NIPAL2: variants seen among roughly 807,000 people sequenced by gnomAD.
The protein encoded by NIPAL2 is NIPA like domain containing 2.
NIPAL2 carries 43 observed loss-of-function variants against 48.9 expected under a neutral mutation model. That is an observed-to-expected ratio of 0.88 (90% CI 0.69 to 1.13). NIPAL2 has a LOEUF of 1.13. Ranked by LOEUF, NIPAL2 falls within the 50% of genes most tolerant of loss-of-function variation. The pLI is 0.00. For missense variants in NIPAL2, 446 were observed against 461.4 expected (o/e 0.97, Z 0.31); for synonymous variants, 167 against 174.6 (o/e 0.96, Z 0.34).
At position 98,238,804 on chromosome 8, in the gene NIPAL2, T is replaced by A. The variant is rs532717627; in HGVS notation, c.377-2590A>T. The stretch of plus-strand genomic sequence containing the variant: ...GCAAGGTTTTCTGTAGATAAACTAA[T>A]GCATGACTACATGGCTCATTAAAGT... On this transcript the variant is annotated intron_variant, in intron 3 of 10. Coordinates refer to ENST00000430223, the MANE Select transcript of NIPAL2 (RefSeq NM_001321635.2). 2.6e-5 allele frequency among the ~76,000 whole-genome samples: 4 copies of A among 152,294 alleles called. No individual in the cohort carries two copies. The East Asian group carries it at 5.8e-4, about 22-fold the overall frequency.
At chr8:98,250,887 G>C (rs1415455917) in intron 3 of NIPAL2, among the ~76,000 whole-genome samples, 1 of 152,122 alleles carries the variant, frequency 6.6e-6, no homozygotes, top group Non-Finnish European at 1.5e-5. Context: ...TGAAGGTCTA[G>C]GAAGGGTGCC....
chr8:98,268,966 A>C (rs766174880), intron 1 of NIPAL2, among the ~76,000 whole-genome samples: 12 of 152,212 alleles, frequency 7.9e-5, no homozygotes, highest in Non-Finnish European at 1.8e-4. Flanking sequence ...CAGCATCTTC[A>C]CAAGAAGAAG....
chr8:98,228,197 T>C (rs569309200), intron 4 of NIPAL2, among the ~76,000 whole-genome samples: 2 of 152,244 alleles, frequency 1.3e-5, no homozygotes, highest in Non-Finnish European at 2.9e-5. Context: ...GGTACTGTGA[T>C]TGCTCACCTG....
At chr8:98,285,533 G>A (rs1436047842) in intron 1 of NIPAL2, among the ~76,000 whole-genome samples, 1 of 152,128 alleles carries the variant, frequency 6.6e-6, no homozygotes, top group Non-Finnish European at 1.5e-5. Flanking sequence ...CCCTAGAGGG[G>A]CGAGCCTGCT....
chr8:98,255,410 G>T (rs1018088355), intron 1 of NIPAL2, among the ~76,000 whole-genome samples: 2 of 152,160 alleles, frequency 1.3e-5, no homozygotes, highest in African/African-American at 4.8e-5. Context: ...AATGAGCATT[G>T]CAACCACAAA....
At chr8:98,280,320 C>A (rs1447257262) in intron 1 of NIPAL2, among the ~76,000 whole-genome samples, 1 of 152,192 alleles carries the variant, frequency 6.6e-6, no homozygotes, top group African/African-American at 2.4e-5. Flanking sequence ...TGGTTGTATG[C>A]AACCCACAAC....
chr8:98,272,132 A>G (rs981422074), intron 1 of NIPAL2, among the ~76,000 whole-genome samples: 1 of 152,122 alleles, frequency 6.6e-6, no homozygotes, highest in African/African-American at 2.4e-5. Flanking sequence ...CTTCCTATAG[A>G]TGAGGAAACT....
intron 1 of NIPAL2, among the ~76,000 whole-genome samples, chr8:98,269,901 AT>A (rs112685135): frequency 6.6e-6 from 1 of 152,164 alleles, no homozygotes; most frequent in African/African-American, 2.4e-5. Context: ...TATACACAAG[AT>A]TTTAGCTTCC....
At chr8:98,285,037 G>A (rs561840749) in intron 1 of NIPAL2, among the ~76,000 whole-genome samples, 2 of 152,304 alleles carry the variant, frequency 1.3e-5, no homozygotes, top group African/African-American at 4.8e-5. Context: ...ACTGCTTAGG[G>A]ATGATGCTTT....
rs1810379224 is a variant in NIPAL2, at chr8:98,193,191, T to C, written c.1040-101A>G. 5.4e-6 allele frequency: 6 copies of C among 1,103,146 alleles called. No individual in the cohort carries two copies. The East Asian group carries it at 1.4e-4, about 26-fold the overall frequency. The allele number at this position is 1,103,146 out of a possible 1,614,324, so 68.3% of individuals were successfully genotyped here. A position where few individuals can be genotyped will look rare whatever the true frequency, so the allele number is the denominator to read the frequency against. ...AGGCCACATTTTATCACCTCTCTTT[T>C]ATACTATGTGGGCACTCTCTAAAGA... On this transcript the variant is annotated intron_variant, in intron 10 of 10. Coordinates refer to ENST00000430223, the MANE Select transcript of NIPAL2 (RefSeq NM_001321635.2).
intron 6 of NIPAL2, among the ~76,000 whole-genome samples, chr8:98,209,503 A>C (rs1811209642): frequency 6.7e-6 from 1 of 149,970 alleles, no homozygotes; most frequent in Non-Finnish European, 1.5e-5. Context: ...CTGTAGTCCC[A>C]GCTACTCAGG....
intron 1 of NIPAL2, among the ~76,000 whole-genome samples, chr8:98,288,355 A>G (rs1816303341): frequency 6.7e-6 from 1 of 149,428 alleles, no homozygotes; most frequent in African/African-American, 2.5e-5. Flanking sequence ...CCATGTCCCT[A>G]CAAAGGACAT....
chr8:98,267,518 T>C (rs985247030), intron 1 of NIPAL2, among the ~76,000 whole-genome samples: 2 of 152,012 alleles, frequency 1.3e-5, no homozygotes, highest in African/African-American at 2.4e-5. Context: ...TGGGGTCTCA[T>C]TATGTTTCCC....
chr8:98,193,561 A>G (rs1453481308), intron 10 of NIPAL2: 1 of 765,154 alleles, frequency 1.3e-6, no homozygotes. Context: ...GCTCACACCT[A>G]TCATCCCAGC....
chr8:98,193,127 C>G (rs750504013), intron 10 of NIPAL2, 37 bp from the exon 11 acceptor site: 113 of 1,513,638 alleles, frequency 7.5e-5, no homozygotes, highest in Non-Finnish European at 1.0e-4. Flanking sequence ...CTTTTGAGGT[C>G]TTACAGAAAA....
intron 3 of NIPAL2, among the ~76,000 whole-genome samples, chr8:98,252,028 T>C (rs1288511191): frequency 1.3e-5 from 2 of 152,214 alleles, no homozygotes; most frequent in African/African-American, 2.4e-5. Flanking sequence ...TATAGTAATG[T>C]AGACTAACCA....
chr8:98,252,178 T>C (rs10090735), intron 3 of NIPAL2: 3,740 of 303,970 alleles, frequency 0.012, 118 homozygotes, highest in African/African-American at 0.074. Flanking sequence ...TCATTAATGA[T>C]TACAAGCACA....
chr8:98,282,218 C>T lies in NIPAL2; in HGVS notation c.135+11785G>A, dbSNP rs548963712. On this transcript the variant is annotated intron_variant, in intron 1 of 10. Coordinates refer to ENST00000430223, the MANE Select transcript of NIPAL2 (RefSeq NM_001321635.2). ...GCCCAAGGTGCAGCAAACAAGGGGC[C>T]CTGCAGGCCTGAAAGCAGAGGACTG... 7.8e-4 allele frequency among the ~76,000 whole-genome samples: 119 copies of T among 152,198 alleles called. 1 individual carries two copies. The highest frequency in any genetic ancestry group is 2.9e-3 in the African/African-American group (119 of 41,538).
At chr8:98,273,212 C>T (rs1202606700) in intron 1 of NIPAL2, among the ~76,000 whole-genome samples, 1 of 152,146 alleles carries the variant, frequency 6.6e-6, no homozygotes, top group Non-Finnish European at 1.5e-5. Flanking sequence ...GTACATGCTA[C>T]AACCTAGATG....
Sources: gnomAD v4.1 joint callset for allele counts (sites outside exome capture counted in the v4.1 genomes callset) on GRCh38, gnomAD v4.1.1 for gene constraint, MANE v1.5 for transcripts, NCBI Gene and HGNC (gene_info 2026-07-23, HGNC 2026-07-21) for gene names.